Variants in PPA1 observed in about 807,000 individuals in gnomAD.
The protein encoded by PPA1 is inorganic pyrophosphatase 1, also known as inorganic pyrophosphatase.
PPA1 carries 23 observed loss-of-function variants against 41.8 expected under a neutral mutation model. The observed-to-expected ratio is 0.55, with a 90% CI of 0.40 to 0.78. PPA1 has a LOEUF of 0.78. Ranked by LOEUF, PPA1 falls within the 30% of genes least tolerant of loss-of-function variation. The probability of loss-of-function intolerance (pLI) is 0.00; values close to 1 mark genes in which losing one functional copy is unlikely to be tolerated. For synonymous variants in PPA1, 101 were observed against 116.8 expected (o/e 0.86, Z 0.87); for missense variants, 320 against 361.6 (o/e 0.89, Z 0.93).
chr10:70,219,852 A>T (rs919741409), intron 2 of PPA1, among the ~76,000 whole-genome samples: 1 of 152,196 alleles, frequency 6.6e-6, no homozygotes, highest in African/African-American at 2.4e-5. Flanking sequence ...CTTGAGCTTT[A>T]ATTATTCAGA....
At chr10:70,217,045 AC>A (rs937402958) in intron 4 of PPA1, among the ~76,000 whole-genome samples, 3 of 152,098 alleles carry the variant, frequency 2.0e-5, no homozygotes, top group Non-Finnish European at 2.9e-5. Flanking sequence ...AGTCCCAGCT[AC>A]TTGGGAGGCT....
intron 10 of PPA1, among the ~76,000 whole-genome samples, chr10:70,203,410 T>A (rs1229452272): frequency 6.6e-6 from 1 of 152,190 alleles, no homozygotes; most frequent in Non-Finnish European, 1.5e-5. Context: ...CAAACTTTTT[T>A]TTTTAATTTC....
At chr10:70,231,661 T>C (rs1454042376) in intron 1 of PPA1, among the ~76,000 whole-genome samples, 2 of 152,242 alleles carry the variant, frequency 1.3e-5, no homozygotes, top group African/African-American at 2.4e-5. Flanking sequence ...AATTGACAAA[T>C]GTAATATTAT....
intron 2 of PPA1, among the ~76,000 whole-genome samples, chr10:70,226,497 T>C (rs1840232297): frequency 6.6e-6 from 1 of 151,554 alleles, no homozygotes; most frequent in Admixed American, 6.6e-5. Flanking sequence ...AGATGGAGCC[T>C]GCAGTGAGCC....
Position 70,220,605 on chromosome 10 carries a change from ATATATAT to A in PPA1, c.124-1795_124-1789del, listed in dbSNP as rs1157924999. On this transcript the variant is annotated intron_variant, in intron 2 of 10. Coordinates refer to ENST00000373232, the MANE Select transcript of PPA1 (RefSeq NM_021129.4). Reference sequence around the variant, plus strand: ...TAATTATATATTATATATAATTTATATATATATTATATATAATTTATATATATATAAT... The same window carrying A: ...TAATTATATATTATATATAATTTATATATATATAATTTATATATATATAAT... Among the ~76,000 whole-genome samples, 54 of 8,290 alleles carry A rather than the reference ATATATAT, an allele frequency of 6.5e-3. 5 individuals are homozygous for A. The highest frequency in any genetic ancestry group is 0.033 in the Middle Eastern group (1 of 30). 5.4% of individuals were successfully genotyped at this position (8,290 alleles called of 152,430 possible). A position where few individuals can be genotyped will look rare whatever the true frequency, so the allele number is the denominator to read the frequency against.
intron 2 of PPA1, among the ~76,000 whole-genome samples, chr10:70,224,545 G>A (rs192328318): frequency 1.3e-5 from 2 of 152,274 alleles, no homozygotes; most frequent in East Asian, 3.9e-4. Context: ...AGGGTCTTAT[G>A]GACCAAGTCA....
chr10:70,209,166 C>A, intron 8 of PPA1, 39 bp downstream of exon 8: 2 of 1,413,958 alleles, frequency 1.4e-6, no homozygotes, highest in South Asian at 2.4e-5. Flanking sequence ...GCAAGCTGGT[C>A]TGCTTTGTGT....
At chr10:70,216,044 T>C (rs1207379923) in intron 4 of PPA1, among the ~76,000 whole-genome samples, 2 of 151,726 alleles carry the variant, frequency 1.3e-5, no homozygotes, top group African/African-American at 4.8e-5. Flanking sequence ...TCAGCTGGAG[T>C]AAAGGCAAAA....
At chr10:70,228,130 T>C (rs919863611) in intron 2 of PPA1, among the ~76,000 whole-genome samples, 2 of 152,142 alleles carry the variant, frequency 1.3e-5, no homozygotes, top group African/African-American at 4.8e-5. Context: ...CATAAGAACT[T>C]GTGCTTTTGA....
At chr10:70,207,138 C>T (rs1839954661) in intron 8 of PPA1, among the ~76,000 whole-genome samples, 1 of 151,896 alleles carries the variant, frequency 6.6e-6, no homozygotes, top group African/African-American at 2.4e-5. Flanking sequence ...GCTCATAGGT[C>T]TTGATAGAGA....
chr10:70,227,441 G>C (rs549956404), intron 2 of PPA1, among the ~76,000 whole-genome samples: 7 of 152,246 alleles, frequency 4.6e-5, no homozygotes, highest in Non-Finnish European at 7.4e-5. Context: ...CTTGAAACCA[G>C]GAGTTCGAGA....
At chr10:70,207,233 G>A (rs970902491) in intron 8 of PPA1, among the ~76,000 whole-genome samples, 1 of 152,070 alleles carries the variant, frequency 6.6e-6, no homozygotes, top group Admixed American at 6.6e-5. Context: ...ATTAATAGTG[G>A]TGAAAAATTG....
chr10:70,231,116 GT>G (rs1190996639), intron 1 of PPA1, among the ~76,000 whole-genome samples: 1 of 152,186 alleles, frequency 6.6e-6, no homozygotes, highest in Non-Finnish European at 1.5e-5. Flanking sequence ...GGATAATCAA[GT>G]TGCAACAAAC....
At chr10:70,215,929 G>A (rs1451310542) in intron 4 of PPA1, among the ~76,000 whole-genome samples, 1 of 152,176 alleles carries the variant, frequency 6.6e-6, no homozygotes, top group African/African-American at 2.4e-5. Context: ...TCTCACAAAA[G>A]AACTGAAAGC....
intron 2 of PPA1, among the ~76,000 whole-genome samples, chr10:70,222,929 G>A (rs778576309): frequency 3.4e-5 from 5 of 148,796 alleles, no homozygotes; most frequent in African/African-American, 5.0e-5. Context: ...TGAGAAATGC[G>A]GTGTTTGGTT....
intron 4 of PPA1, 63 bp downstream of exon 4, chr10:70,217,749 T>C: frequency 7.4e-7 from 1 of 1,343,484 alleles, no homozygotes; most frequent in East Asian, 2.5e-5. Flanking sequence ...TTTTTACTAA[T>C]AGCAGTAAAT....
At chr10:70,231,925 C>T (rs1394218551) in intron 1 of PPA1, among the ~76,000 whole-genome samples, 1 of 152,228 alleles carries the variant, frequency 6.6e-6, no homozygotes, top group African/African-American at 2.4e-5. Flanking sequence ...AGATCCACCC[C>T]TCACCTTCAA....
intron 9 of PPA1, 118 bp from the exon 10 acceptor site, chr10:70,205,033 G>A (rs1375077015): frequency 2.6e-5 from 18 of 699,532 alleles, no homozygotes; most frequent in Admixed American, 1.1e-4. Flanking sequence ...GGATCTAAAC[G>A]TAATTTATAA....
At chr10:70,216,313 CTG>C (rs1840080394) in intron 4 of PPA1, among the ~76,000 whole-genome samples, 1 of 151,916 alleles carries the variant, frequency 6.6e-6, no homozygotes, top group African/African-American at 2.4e-5. Context: ...CAGTGAAACC[CTG>C]TCTCTAATAA....
Sources: gnomAD v4.1 joint callset for allele counts (sites outside exome capture counted in the v4.1 genomes callset) on GRCh38, gnomAD v4.1.1 for gene constraint, MANE v1.5 for transcripts, NCBI Gene and HGNC (gene_info 2026-07-23, HGNC 2026-07-21) for gene names.